ENTREP2: variants seen among roughly 807,000 people sequenced by gnomAD.
The protein encoded by ENTREP2 is endosomal transmembrane epsin interactor 2, also known as protein ENTREP2.
the ENTREP2 span, among the ~76,000 whole-genome samples, chr15:29,314,279 G>T: frequency 6.6e-6 from 1 of 152,206 alleles, no homozygotes; most frequent in African/African-American, 2.4e-5. Context: ...TCTACTGTGG[G>T]TAAAACGCTA....
At chr15:29,353,433 TTAGG>T in the ENTREP2 span, among the ~76,000 whole-genome samples, 1 of 152,122 alleles carries the variant, frequency 6.6e-6, no homozygotes, top group South Asian at 2.1e-4. Context: ...ATGTATGCAC[TTAGG>T]TAGGTAGGTA....
the ENTREP2 span, among the ~76,000 whole-genome samples, chr15:29,539,448 T>C: frequency 0.015 from 2,272 of 152,128 alleles, 63 homozygotes; most frequent in African/African-American, 0.052. Context: ...CTCTGCATTC[T>C]TTTTCTTTAA....
chr15:29,600,209 C>T, the ENTREP2 span, among the ~76,000 whole-genome samples: 3 of 152,016 alleles, frequency 2.0e-5, no homozygotes, highest in African/African-American at 7.3e-5. Flanking sequence ...TAGGCACACA[C>T]TTTGATATAA....
chr15:29,643,428 G>A, the ENTREP2 span, among the ~76,000 whole-genome samples: 1 of 151,996 alleles, frequency 6.6e-6, no homozygotes, highest in Non-Finnish European at 1.5e-5. Flanking sequence ...CACATGAGAC[G>A]GCACTTCACA....
the ENTREP2 span, among the ~76,000 whole-genome samples, chr15:29,357,262 C>A: frequency 6.6e-6 from 1 of 151,976 alleles, no homozygotes; most frequent in Non-Finnish European, 1.5e-5. Context: ...AATGTTTTTA[C>A]AACTTCGAGG....
chr15:29,197,103 G>A, the ENTREP2 span, among the ~76,000 whole-genome samples: 1 of 152,188 alleles, frequency 6.6e-6, no homozygotes, highest in African/African-American at 2.4e-5. Flanking sequence ...ATTGACAATG[G>A]CAACAAGTTG....
At chr15:29,203,250 A>C in the ENTREP2 span, among the ~76,000 whole-genome samples, 1 of 152,272 alleles carries the variant, frequency 6.6e-6, no homozygotes, top group Admixed American at 6.5e-5. Context: ...AAAATACAAA[A>C]AATTAGCCAG....
chr15:29,166,533 A>C, the ENTREP2 span, among the ~76,000 whole-genome samples: 1 of 152,228 alleles, frequency 6.6e-6, no homozygotes, highest in Non-Finnish European at 1.5e-5. Context: ...AACAGTGACC[A>C]AGCCAAGAAT....
chr15:29,310,199 G>A, the ENTREP2 span, among the ~76,000 whole-genome samples: 1 of 152,208 alleles, frequency 6.6e-6, no homozygotes, highest in Non-Finnish European at 1.5e-5. Context: ...CCTCACCTAT[G>A]TGAGCACAGG....
chr15:29,423,171 C>T, the ENTREP2 span, among the ~76,000 whole-genome samples: 1 of 152,088 alleles, frequency 6.6e-6, no homozygotes, highest in Non-Finnish European at 1.5e-5. Flanking sequence ...ACCCCGCCTG[C>T]CCCAAATGTG....
the ENTREP2 span, among the ~76,000 whole-genome samples, chr15:29,458,277 C>T: frequency 6.6e-6 from 1 of 152,162 alleles, no homozygotes; most frequent in Non-Finnish European, 1.5e-5. Context: ...TATCTGGGCC[C>T]TCCACAGATT....
chr15:29,152,578 C>A, the ENTREP2 span, among the ~76,000 whole-genome samples: 1 of 152,214 alleles, frequency 6.6e-6, no homozygotes, highest in Non-Finnish European at 1.5e-5. Context: ...CCTTTAGACT[C>A]ATCCAGGTTG....
chr15:29,638,847 G>T, the ENTREP2 span, among the ~76,000 whole-genome samples: 1 of 152,128 alleles, frequency 6.6e-6, no homozygotes, highest in Admixed American at 6.6e-5. Flanking sequence ...TTGCCTTGTC[G>T]ATTCTCCTTG....
the ENTREP2 span, among the ~76,000 whole-genome samples, chr15:29,292,651 G>A: frequency 6.6e-6 from 1 of 152,194 alleles, no homozygotes; most frequent in Non-Finnish European, 1.5e-5. Context: ...AAAGTGCTGG[G>A]ATTACAAGCA....
chr15:29,359,561 C>A, the ENTREP2 span, among the ~76,000 whole-genome samples: 2 of 152,166 alleles, frequency 1.3e-5, no homozygotes, highest in Non-Finnish European at 2.9e-5. Flanking sequence ...TAGGGGCATG[C>A]ACCACCACAC....
chr15:29,486,092 A>G, the ENTREP2 span, among the ~76,000 whole-genome samples: 2 of 152,222 alleles, frequency 1.3e-5, no homozygotes, highest in Admixed American at 6.5e-5. Flanking sequence ...CACAATATCT[A>G]AGATAGGAAA....
the ENTREP2 span, among the ~76,000 whole-genome samples, chr15:29,451,060 G>A: frequency 6.6e-5 from 10 of 151,930 alleles, no homozygotes; most frequent in African/African-American, 1.7e-4. Context: ...CCCAAGTCAC[G>A]AATTTACCTG....
chr15:29,467,542 G>A, the ENTREP2 span, among the ~76,000 whole-genome samples: 2 of 152,162 alleles, frequency 1.3e-5, no homozygotes, highest in Non-Finnish European at 2.9e-5. Context: ...CAGGTTAAGA[G>A]GATGCTTTTG....
At chr15:29,145,436 C>T in the ENTREP2 span, among the ~76,000 whole-genome samples, 1 of 151,904 alleles carries the variant, frequency 6.6e-6, no homozygotes, top group Non-Finnish European at 1.5e-5. Flanking sequence ...TCCTGGCTAA[C>T]ACGGTGAAAC....
Sources: allele counts gnomAD v4.1 joint callset (sites outside exome capture counted in the v4.1 genomes callset), GRCh38; gene constraint gnomAD v4.1.1; transcripts MANE v1.5; gene names NCBI Gene and HGNC (gene_info 2026-07-23, HGNC 2026-07-21).